SLIT2: variants seen among roughly 807,000 people sequenced by gnomAD.
SLIT2 encodes slit homolog 2 protein.
A neutral mutation model predicts 185.7 loss-of-function variants in SLIT2; 41 were observed. The observed-to-expected ratio is 0.22, with a 90% confidence interval of 0.17 to 0.29. The LOEUF (loss-of-function observed/expected upper bound fraction) is 0.29, where lower values mean the gene tolerates loss of function less well. Ranked by LOEUF, SLIT2 falls within the 10% of genes least tolerant of loss-of-function variation. The probability of loss-of-function intolerance (pLI) is 1.00; values close to 1 mark genes in which losing one functional copy is unlikely to be tolerated. For missense variants in SLIT2, 1,571 were observed against 1,909.0 expected (o/e 0.82, Z 3.30); for synonymous variants, 693 against 680.2 (o/e 1.02, Z -0.29).
chr4:20,526,475 A>G (rs924575644), intron 15 of SLIT2, among the ~76,000 whole-genome samples: 3 of 152,182 alleles, frequency 2.0e-5, no homozygotes, highest in Admixed American at 6.5e-5. Context: ...GACTACCTAT[A>G]GAATAAAACA....
chr4:20,437,046 A>T (rs1729386841), intron 4 of SLIT2, among the ~76,000 whole-genome samples: 1 of 152,190 alleles, frequency 6.6e-6, no homozygotes, highest in African/African-American at 2.4e-5. Context: ...GCACTTAATA[A>T]ATGTAAGCAT....
At chr4:20,508,317 G>A (rs1719387539) in intron 9 of SLIT2, among the ~76,000 whole-genome samples, 1 of 151,914 alleles carries the variant, frequency 6.6e-6, no homozygotes, top group African/African-American at 2.4e-5. Flanking sequence ...ATAAGGAAAG[G>A]ATTTAAAAGG....
chr4:20,472,431 T>TATAG (rs1491095731), intron 5 of SLIT2, among the ~76,000 whole-genome samples: 1 of 31,308 alleles, frequency 3.2e-5, no homozygotes, highest in African/African-American at 1.3e-4. Context: ...TATATAGATA[T>TATAG]CTATAGATAT....
intron 4 of SLIT2, among the ~76,000 whole-genome samples, chr4:20,302,471 G>A (rs1459636340): frequency 6.6e-6 from 1 of 152,136 alleles, no homozygotes; most frequent in Non-Finnish European, 1.5e-5. Flanking sequence ...TGTCTATGGG[G>A]GGGATGGAAG....
chr4:20,398,661 A>G (rs1056711598), intron 4 of SLIT2, among the ~76,000 whole-genome samples: 2 of 151,730 alleles, frequency 1.3e-5, no homozygotes, highest in African/African-American at 4.8e-5. Context: ...TGTCTCCCCA[A>G]TACTAGTAGA....
chr4:20,522,467 A>T (rs1720921168), intron 12 of SLIT2, among the ~76,000 whole-genome samples: 1 of 152,204 alleles, frequency 6.6e-6, no homozygotes, highest in African/African-American at 2.4e-5. Flanking sequence ...AAAACAGTTG[A>T]CAAGACTGCA....
At chr4:20,421,723 A>G (rs892927901) in intron 4 of SLIT2, among the ~76,000 whole-genome samples, 33 of 152,306 alleles carry the variant, frequency 2.2e-4, no homozygotes, top group African/African-American at 7.9e-4. Context: ...GCAAGCTGAT[A>G]AGTCTTGCAA....
chr4:20,480,884 A>G, intron 6 of SLIT2, 97 bp downstream of exon 6: 2 of 876,552 alleles, frequency 2.3e-6, no homozygotes, highest in South Asian at 1.4e-5. Context: ...CCTTGTTGTC[A>G]AAATAGTCTC....
intron 29 of SLIT2, among the ~76,000 whole-genome samples, chr4:20,570,120 T>G (rs1195582389): frequency 6.6e-6 from 1 of 152,068 alleles, no homozygotes; most frequent in African/African-American, 2.4e-5. Flanking sequence ...GAAGGCTGCC[T>G]TTTCTAGGGT....
intron 29 of SLIT2, among the ~76,000 whole-genome samples, chr4:20,579,397 G>T (rs114807161): frequency 0.031 from 4,731 of 151,822 alleles, 253 homozygotes; most frequent in African/African-American, 0.1. Context: ...TCTCTTTGGG[G>T]TAATAATGTA....
chr4:20,421,003 G>A (rs1352225075), intron 4 of SLIT2, among the ~76,000 whole-genome samples: 1 of 152,142 alleles, frequency 6.6e-6, no homozygotes, highest in Non-Finnish European at 1.5e-5. Flanking sequence ...CACCTAGTCT[G>A]TGGTATTTTC....
In SLIT2 at chr4:20,619,160, C is replaced by A; in HGVS notation, c.*151C>A. On this transcript the variant is annotated 3_prime_UTR_variant, in exon 37 of 37. Coordinates refer to ENST00000504154, the MANE Select transcript of SLIT2 (RefSeq NM_004787.4). ...TATGAGAATAAAGACTTTTTTTCTG[C>A]ATTTGGAAAAAAAAAAAAAGAAATG... 12 of 708,524 alleles carry A rather than the reference C, an allele frequency of 1.7e-5. No individual in the cohort carries two copies. Among genetic ancestry groups the A allele is most frequent in the South Asian group, 4.0e-5 (1 of 25,288 alleles). 43.9% of individuals were successfully genotyped at this position (708,524 alleles called of 1,614,324 possible).
intron 4 of SLIT2, among the ~76,000 whole-genome samples, chr4:20,357,972 G>T (rs73106793): frequency 0.015 from 2,310 of 151,920 alleles, 40 homozygotes; most frequent in African/African-American, 0.037. Flanking sequence ...ATTACTTCAG[G>T]TGATATGTGG....
chr4:20,415,134 G>A (rs1008441431), intron 4 of SLIT2, among the ~76,000 whole-genome samples: 5 of 152,150 alleles, frequency 3.3e-5, no homozygotes, highest in East Asian at 1.9e-4. Context: ...TATACTGGCT[G>A]TGCGCGGTGG....
intron 4 of SLIT2, among the ~76,000 whole-genome samples, chr4:20,348,496 G>T (rs945993262): frequency 5.9e-5 from 9 of 151,794 alleles, no homozygotes; most frequent in Admixed American, 1.3e-4. Flanking sequence ...CAATCCGCCT[G>T]CCTTGGCCTC....
chr4:20,422,140 T>C (rs1197769858), intron 4 of SLIT2, among the ~76,000 whole-genome samples: 1 of 152,208 alleles, frequency 6.6e-6, no homozygotes, highest in Admixed American at 6.6e-5. Context: ...CAAATTTATA[T>C]ATTGATATAT....
At chr4:20,259,674 G>A (rs191036768) in intron 3 of SLIT2, among the ~76,000 whole-genome samples, 3 of 151,868 alleles carry the variant, frequency 2.0e-5, no homozygotes, top group Admixed American at 1.3e-4. Context: ...GATTAGAGTT[G>A]TAAGTAGGTA....
At chr4:20,398,422 A>G (rs959556282) in intron 4 of SLIT2, among the ~76,000 whole-genome samples, 1 of 151,828 alleles carries the variant, frequency 6.6e-6, no homozygotes, top group Admixed American at 6.6e-5. Flanking sequence ...GACAGTTGCT[A>G]CAAGTGAGTT....
At chr4:20,299,548 A>C (rs375577933) in intron 4 of SLIT2, among the ~76,000 whole-genome samples, 1 of 151,822 alleles carries the variant, frequency 6.6e-6, no homozygotes, top group Non-Finnish European at 1.5e-5. Flanking sequence ...GATTTTCATG[A>C]TTTCTTTTTC....
Sources: allele counts gnomAD v4.1 joint callset (sites outside exome capture counted in the v4.1 genomes callset), GRCh38; gene constraint gnomAD v4.1.1; transcripts MANE v1.5; gene names NCBI Gene and HGNC (gene_info 2026-07-23, HGNC 2026-07-21).